The following FHIT variants were observed in gnomAD, a reference collection of about 807,000 sequenced individuals.
The protein encoded by FHIT is fragile histidine triad diadenosine triphosphatase.
Under a neutral mutation model 17.9 loss-of-function variants are expected in FHIT, and 19 were observed. That is an observed-to-expected ratio of 1.06 (90% CI 0.74 to 1.56). The LOEUF is 1.56. Among genes scored for constraint, FHIT ranks in the 40% most tolerant of loss-of-function variants. The pLI is 0.00. For synonymous variants in FHIT, 81 were observed against 69.7 expected, an observed-to-expected ratio of 1.16 and a Z score of -0.81; for missense variants, 248 against 189.2, an observed-to-expected ratio of 1.31 and a Z score of -1.82.
intron 8 of FHIT, among the ~76,000 whole-genome samples, chr3:59,887,289 T>C (rs1238361333): frequency 6.6e-6 from 1 of 152,184 alleles, no homozygotes; most frequent in Non-Finnish European, 1.5e-5. Context: ...CCATCTCTGT[T>C]CGCTGGAGTC....
chr3:60,221,298 GAAC>G (rs1283618870), intron 5 of FHIT, among the ~76,000 whole-genome samples: 1 of 152,032 alleles, frequency 6.6e-6, no homozygotes, highest in Non-Finnish European at 1.5e-5. Context: ...TAGACAAGCA[GAAC>G]AACTCATAAT....
At chr3:60,400,438 T>C (rs1701617733) in intron 5 of FHIT, among the ~76,000 whole-genome samples, 1 of 152,160 alleles carries the variant, frequency 6.6e-6, no homozygotes, top group Admixed American at 6.5e-5. Flanking sequence ...TCCTGCTTTG[T>C]CCTATAATTA....
chr3:59,793,484 G>A (rs1699654078), intron 8 of FHIT, among the ~76,000 whole-genome samples: 4 of 152,132 alleles, frequency 2.6e-5, no homozygotes, highest in Admixed American at 2.6e-4. Context: ...CTTGCCCAAG[G>A]TCACATGGCC....
At chr3:60,459,651 C>A (rs1382076858) in intron 5 of FHIT, among the ~76,000 whole-genome samples, 1 of 152,202 alleles carries the variant, frequency 6.6e-6, no homozygotes, top group African/African-American at 2.4e-5. Flanking sequence ...ACATTTTCCA[C>A]AAAATAGCCT....
chr3:59,913,511 C>G (rs1446635714), intron 8 of FHIT, among the ~76,000 whole-genome samples: 1 of 152,100 alleles, frequency 6.6e-6, no homozygotes, highest in African/African-American at 2.4e-5. Context: ...ATATGCTTGG[C>G]ACCTAGCAGA....
intron 4 of FHIT, among the ~76,000 whole-genome samples, chr3:60,691,345 T>G (rs1205993076): frequency 1.3e-5 from 2 of 151,986 alleles, no homozygotes; most frequent in African/African-American, 4.8e-5. Flanking sequence ...AATTATCAAT[T>G]TTTTTCCCCT....
Position 59,894,466 on chromosome 3 carries a change from G to A in FHIT, c.348+27880C>T, listed in dbSNP as rs558686673. Reference sequence around the variant, plus strand: ...GCCATTGTTGCTAATTGGCATTGCAGAGTAGAGTTGTGGCTTGTCTTTTGC... The same window carrying A: ...GCCATTGTTGCTAATTGGCATTGCAAAGTAGAGTTGTGGCTTGTCTTTTGC... On this transcript the variant is annotated intron_variant, in intron 8 of 9. Transcript: ENST00000492590. 2.7e-4 allele frequency among the ~76,000 whole-genome samples: 41 copies of A among 152,262 alleles called. 1 individual carries two copies. The highest frequency in any genetic ancestry group is 2.7e-3 in the Admixed American group (41 of 15,296).
At chr3:59,866,373 G>A (rs1408119600) in intron 8 of FHIT, among the ~76,000 whole-genome samples, 2 of 152,108 alleles carry the variant, frequency 1.3e-5, no homozygotes, top group African/African-American at 4.8e-5. Context: ...AGAGAGGCAT[G>A]GAAAAGATGA....
intron 8 of FHIT, among the ~76,000 whole-genome samples, chr3:59,810,135 C>T (rs866290203): frequency 6.6e-5 from 10 of 152,008 alleles, no homozygotes; most frequent in Admixed American, 6.6e-4. Flanking sequence ...TGAGGAGGGT[C>T]TTCTGAGGTG....
intron 8 of FHIT, among the ~76,000 whole-genome samples, chr3:59,801,286 G>T (rs1699983487): frequency 2.0e-5 from 3 of 150,562 alleles, no homozygotes; most frequent in Non-Finnish European, 4.4e-5. Flanking sequence ...TGCACCTAAT[G>T]TAATGATGGT....
chr3:60,455,775 C>T (rs1290325688), intron 5 of FHIT, among the ~76,000 whole-genome samples: 2 of 151,936 alleles, frequency 1.3e-5, no homozygotes, highest in Non-Finnish European at 2.9e-5. Context: ...TAGCTGCATG[C>T]CCAAATGGAG....
intron 5 of FHIT, among the ~76,000 whole-genome samples, chr3:60,414,497 C>G (rs769235189): frequency 1.3e-5 from 2 of 152,186 alleles, no homozygotes; most frequent in African/African-American, 4.8e-5. Context: ...ACTATGACCA[C>G]TACTGTTATC....
chr3:59,835,305 A>T (rs758384912), intron 8 of FHIT, among the ~76,000 whole-genome samples: 1 of 152,180 alleles, frequency 6.6e-6, no homozygotes, highest in Non-Finnish European at 1.5e-5. Flanking sequence ...TGAGAGTGAT[A>T]ATATTCCTTT....
chr3:60,814,242 C>T (rs911321257), intron 4 of FHIT, among the ~76,000 whole-genome samples: 1 of 151,972 alleles, frequency 6.6e-6, no homozygotes, highest in Non-Finnish European at 1.5e-5. Flanking sequence ...GGTATATTTG[C>T]ATGTTTGTTA....
chr3:60,314,195 A>T (rs1709068657), intron 5 of FHIT, among the ~76,000 whole-genome samples: 1 of 152,206 alleles, frequency 6.6e-6, no homozygotes, highest in Non-Finnish European at 1.5e-5. Flanking sequence ...GATCTTTACA[A>T]AGAGGCCTGT....
At chr3:60,955,069 T>A (rs1375402881) in intron 3 of FHIT, among the ~76,000 whole-genome samples, 1 of 152,188 alleles carries the variant, frequency 6.6e-6, no homozygotes, top group Non-Finnish European at 1.5e-5. Flanking sequence ...TAAAGTCACA[T>A]CTCTGAATCC....
At chr3:60,107,223 C>A (rs1308329468) in intron 5 of FHIT, among the ~76,000 whole-genome samples, 2 of 139,442 alleles carry the variant, frequency 1.4e-5, no homozygotes, top group African/African-American at 5.5e-5. Context: ...ACATCCAGAG[C>A]ACATGTGCAT....
chr3:60,074,922 G>A (rs964704928), intron 5 of FHIT, among the ~76,000 whole-genome samples: 7 of 152,078 alleles, frequency 4.6e-5, no homozygotes, highest in Admixed American at 6.6e-5. Context: ...CATTTGACAC[G>A]TCTCCCTTTC....
chr3:61,212,561 A>C (rs2106771898), intron 1 of FHIT, among the ~76,000 whole-genome samples: 1 of 152,372 alleles, frequency 6.6e-6, no homozygotes, highest in Non-Finnish European at 1.5e-5. Context: ...GAATGGAACC[A>C]AGTTGGAAAA....
Sources: gnomAD v4.1 joint callset for allele counts (sites outside exome capture counted in the v4.1 genomes callset) on GRCh38, gnomAD v4.1.1 for gene constraint, MANE v1.5 for transcripts, NCBI Gene and HGNC (gene_info 2026-07-23, HGNC 2026-07-21) for gene names.